MRPL3: variants seen among roughly 807,000 people sequenced by gnomAD.
MRPL3 encodes mitochondrial ribosomal protein L3.
In MRPL3, 43 loss-of-function variants were observed where a neutral mutation model predicts 44.3. That is an observed-to-expected ratio of 0.97 (90% CI 0.76 to 1.25). The LOEUF is 1.25. Among genes scored for constraint, MRPL3 ranks in the 50% most tolerant of loss-of-function variants. The pLI is 0.00. For synonymous variants in MRPL3, 171 were observed against 152.3 expected (o/e 1.12, Z -0.91); for missense variants, 406 against 427.6 (o/e 0.95, Z 0.45).
chr3:131,502,731 T>A lies in MRPL3; in HGVS notation c.91A>T (p.Arg31Ter). The A allele has an allele frequency of 6.2e-7, 1 of 1,608,372 alleles. No homozygotes were observed. The highest frequency in any genetic ancestry group is 8.5e-7 in the Non-Finnish European group (1 of 1,176,612). ...GLGAALGPGN[R>*]THIWLFVRGL... is the part of the protein sequence containing the mutation. Reference sequence around the variant, plus strand: ...TAGGACACCCTCACACCTTCCTACCTGTTCCCCGGGCCCAGGGCAGCACCC... The same window carrying A: ...TAGGACACCCTCACACCTTCCTACCAGTTCCCCGGGCCCAGGGCAGCACCC... The change falls in exon 1 of 10, where the codon AGA (arginine) becomes TGA (stop). Residue 31 changes from arginine to a stop codon, truncating the protein, a stop_gained and splice_region_variant. Transcript: ENST00000264995. LOFTEE classifies it high-confidence loss of function.
intron 6 of MRPL3, among the ~76,000 whole-genome samples, chr3:131,476,386 AAAC>A (rs1933852265): frequency 6.6e-6 from 1 of 152,178 alleles, no homozygotes; most frequent in South Asian, 2.1e-4. Context: ...AACAAAAATA[AAAC>A]AAAAGCAAGA....
intron 5 of MRPL3, among the ~76,000 whole-genome samples, chr3:131,488,373 GTCT>G (rs1310921379): frequency 6.6e-6 from 1 of 152,068 alleles, no homozygotes; most frequent in Non-Finnish European, 1.5e-5. Context: ...TGCAAATAAA[GTCT>G]TACTTTAAAT....
At chr3:131,473,347 A>AT (rs1933782158) in intron 6 of MRPL3, among the ~76,000 whole-genome samples, 1 of 152,102 alleles carries the variant, frequency 6.6e-6, no homozygotes, top group African/African-American at 2.4e-5. Context: ...GAAAACTTGA[A>AT]TACCCACATG....
chr3:131,466,933 C>T (rs958066564), intron 9 of MRPL3, among the ~76,000 whole-genome samples: 3 of 152,022 alleles, frequency 2.0e-5, no homozygotes, highest in South Asian at 2.1e-4. Context: ...AACAGAATAC[C>T]GGAATGTATT....
chr3:131,472,980 T>C (rs1025640234), intron 6 of MRPL3, among the ~76,000 whole-genome samples: 6 of 152,152 alleles, frequency 3.9e-5, no homozygotes, highest in African/African-American at 7.2e-5. Context: ...AAAACGGCCA[T>C]ACTATACAAA....
chr3:131,482,514 C>CAA (rs753043392), intron 6 of MRPL3, among the ~76,000 whole-genome samples: 6 of 86,802 alleles, frequency 6.9e-5, no homozygotes, highest in South Asian at 3.5e-4. Context: ...GACTCCGTCT[C>CAA]AAAAAAAAAA....
chr3:131,493,117 T>G (rs1186414411), intron 4 of MRPL3, among the ~76,000 whole-genome samples: 1 of 152,180 alleles, frequency 6.6e-6, no homozygotes, highest in Non-Finnish European at 1.5e-5. Flanking sequence ...CCCCAATGGC[T>G]ATGTTACTCT....
At chr3:131,502,653 G>T in intron 1 of MRPL3, 77 bp downstream of exon 1, 1 of 1,249,756 alleles carries the variant, frequency 8.0e-7, no homozygotes, top group African/African-American at 1.5e-5. Context: ...TCCACCCAGG[G>T]GAGGCCCAAC....
intron 6 of MRPL3, among the ~76,000 whole-genome samples, chr3:131,479,779 A>G (rs1320620432): frequency 6.6e-6 from 1 of 152,236 alleles, no homozygotes; most frequent in Non-Finnish European, 1.5e-5. Flanking sequence ...CAGGAGGCAG[A>G]GTTTGCAGTA....
At position 131,501,081 on chromosome 3, in the gene MRPL3, CT is replaced by C. The variant is rs1420963595; in HGVS notation, c.277+449del. On this transcript the variant is annotated intron_variant, in intron 2 of 9. Coordinates refer to ENST00000264995, the MANE Select transcript of MRPL3 (RefSeq NM_007208.4). ...GGACCACACACTTAATAGAAAAGGC[CT>C]TATTCCTCTTGGTCTGGCCACACAT... 3.3e-5 allele frequency among the ~76,000 whole-genome samples: 5 copies of C among 152,310 alleles called. No homozygotes were observed. In the East Asian group the frequency reaches 5.8e-4, roughly 18 times the overall value.
intron 6 of MRPL3, among the ~76,000 whole-genome samples, chr3:131,472,250 C>T (rs886303823): frequency 6.6e-6 from 1 of 152,112 alleles, no homozygotes; most frequent in African/African-American, 2.4e-5. Context: ...GGATCTTCAT[C>T]TCAGGGTTGA....
At chr3:131,469,519 C>T (rs1469146409) in intron 8 of MRPL3, among the ~76,000 whole-genome samples, 177 bp downstream of exon 8, 2 of 138,884 alleles carry the variant, frequency 1.4e-5, no homozygotes, top group Non-Finnish European at 3.1e-5. Context: ...ACCACCATTA[C>T]TACAACTAGA....
chr3:131,484,670 T>C (rs2110706509), intron 6 of MRPL3, among the ~76,000 whole-genome samples: 1 of 152,272 alleles, frequency 6.6e-6, no homozygotes. Context: ...CAGTGGCAAC[T>C]AGGGCTGTAT....
At chr3:131,474,765 AT>A (rs372689423) in intron 6 of MRPL3, among the ~76,000 whole-genome samples, 51,651 of 137,868 alleles carry the variant, frequency 0.37, 10,597 homozygotes, top group Middle Eastern at 0.49. Context: ...AGACTTTTTA[AT>A]TTTTTTTTTT....
rs73203910 is a variant in MRPL3 at position 131,475,724 on chromosome 3, T to C, written c.630-4445A>G. On this transcript the variant is annotated intron_variant, in intron 6 of 9. Coordinates refer to ENST00000264995, the MANE Select transcript of MRPL3 (RefSeq NM_007208.4). ...TTAAATAAAAACCCACTATTAATTA[T>C]GTAAACTAACATCTAAGAAGAGAAT... 7.6e-3 allele frequency among the ~76,000 whole-genome samples: 1,161 copies of C among 152,352 alleles called. 10 individuals are homozygous for C. Among genetic ancestry groups the C allele is most frequent in the Non-Finnish European group, 0.012 (783 of 68,028 alleles).
intron 6 of MRPL3, among the ~76,000 whole-genome samples, chr3:131,481,400 T>C (rs915092332): frequency 6.6e-6 from 1 of 152,226 alleles, no homozygotes; most frequent in Non-Finnish European, 1.5e-5. Flanking sequence ...ATTTATTATG[T>C]GCCAGGCCTT....
intron 7 of MRPL3, among the ~76,000 whole-genome samples, chr3:131,470,713 A>G (rs1933721555): frequency 6.6e-6 from 1 of 152,004 alleles, no homozygotes; most frequent in Non-Finnish European, 1.5e-5. Context: ...GTATATGCAT[A>G]CTTATAGTTT....
intron 4 of MRPL3, among the ~76,000 whole-genome samples, chr3:131,494,686 A>G (rs966579573): frequency 6.6e-6 from 1 of 152,246 alleles, no homozygotes; most frequent in Non-Finnish European, 1.5e-5. Flanking sequence ...TTTCACTAAT[A>G]GTAAATACTT....
chr3:131,485,334 G>A (rs1934094918), intron 6 of MRPL3, among the ~76,000 whole-genome samples: 1 of 152,150 alleles, frequency 6.6e-6, no homozygotes, highest in Non-Finnish European at 1.5e-5. Flanking sequence ...CAAGGCAAAT[G>A]TTAACAAAGG....
Sources: allele counts gnomAD v4.1 joint callset (sites outside exome capture counted in the v4.1 genomes callset), GRCh38; gene constraint gnomAD v4.1.1; transcripts MANE v1.5; gene names NCBI Gene and HGNC (gene_info 2026-07-23, HGNC 2026-07-21).